Variants in RIMS2 observed in about 807,000 individuals in gnomAD.
RIMS2 encodes regulating synaptic membrane exocytosis protein 2.
RIMS2 carries 59 observed loss-of-function variants against 174.4 expected under a neutral mutation model. The observed-to-expected ratio is 0.34, with a 90% CI of 0.27 to 0.42. The LOEUF (loss-of-function observed/expected upper bound fraction) is 0.42. Among genes scored for constraint, RIMS2 ranks in the 10% least tolerant of loss-of-function variants. RIMS2 has a pLI of 1.00. For missense variants in RIMS2, 1,620 were observed against 1,666.3 expected, an observed-to-expected ratio of 0.97 and a Z score of 0.48; for synonymous variants, 606 against 572.5, an observed-to-expected ratio of 1.06 and a Z score of -0.84.
At chr8:103,738,028 T>C (rs187250647) in intron 2 of RIMS2, among the ~76,000 whole-genome samples, 3 of 152,308 alleles carry the variant, frequency 2.0e-5, no homozygotes, top group Admixed American at 6.5e-5. Flanking sequence ...AACATGTCTG[T>C]CTTCTTTAAT....
intron 19 of RIMS2, among the ~76,000 whole-genome samples, chr8:104,099,546 A>G (rs2097830843): frequency 6.6e-6 from 1 of 152,206 alleles, no homozygotes; most frequent in Non-Finnish European, 1.5e-5. Context: ...AAAACACCAC[A>G]GGTGATTATG....
chr8:103,755,776 A>T (rs1347636872), intron 2 of RIMS2, among the ~76,000 whole-genome samples: 1 of 152,218 alleles, frequency 6.6e-6, no homozygotes, highest in Non-Finnish European at 1.5e-5. Flanking sequence ...CAGCTCTATC[A>T]GTTCATTTAT....
chr8:103,552,594 C>T (rs562679636), intron 1 of RIMS2, among the ~76,000 whole-genome samples: 2 of 152,256 alleles, frequency 1.3e-5, no homozygotes, highest in Admixed American at 6.5e-5. Flanking sequence ...CCAAAATAGA[C>T]AAATGGGATC....
In RIMS2 at chr8:103,840,535, T is replaced by G. The variant is rs77985721; in HGVS notation, c.699-44763T>G. Among the ~76,000 whole-genome samples, 74 of 152,290 alleles carry G rather than the reference T, an allele frequency of 4.9e-4. 1 individual carries two copies. In the East Asian group the frequency reaches 0.014, roughly 28 times the overall value. ...AGAGAGATTGTTGGGGTTGTTTCCC[T>G]CTTTTGCCACTGTGAAAGTGCTGCT... On this transcript the variant is annotated intron_variant, in intron 3 of 23. Coordinates refer to ENST00000504942, the Ensembl canonical transcript of RIMS2.
At chr8:103,711,353 G>C (rs559528360) in intron 2 of RIMS2, among the ~76,000 whole-genome samples, 1 of 152,246 alleles carries the variant, frequency 6.6e-6, no homozygotes, top group African/African-American at 2.4e-5. Flanking sequence ...ATTTCATTCA[G>C]GCAACAGATT....
At chr8:104,251,840 G>T in exon 24 of RIMS2, 8 of 1,245,156 alleles carry the variant, frequency 6.4e-6, no homozygotes, top group African/African-American at 1.7e-5. Context: ...AAAAATTGTT[G>T]TCACAGCAAC....
At chr8:103,778,599 T>A (rs2098345359) in intron 3 of RIMS2, among the ~76,000 whole-genome samples, 1 of 152,176 alleles carries the variant, frequency 6.6e-6, no homozygotes, top group Non-Finnish European at 1.5e-5. Flanking sequence ...TCATTCTTTT[T>A]ATGGCCAAAT....
intron 1 of RIMS2, among the ~76,000 whole-genome samples, chr8:103,641,487 G>A (rs376362816): frequency 2.8e-4 from 43 of 152,162 alleles, no homozygotes; most frequent in African/African-American, 9.6e-4. Flanking sequence ...CTAACTGTAT[G>A]TATGTACCTA....
At chr8:104,182,665 C>T (rs545777000) in intron 19 of RIMS2, among the ~76,000 whole-genome samples, 3 of 151,782 alleles carry the variant, frequency 2.0e-5, no homozygotes, top group African/African-American at 7.2e-5. Flanking sequence ...TGGCTTCTTT[C>T]GCTTAGCATA....
intron 16 of RIMS2, among the ~76,000 whole-genome samples, chr8:103,983,527 A>G (rs996836769): frequency 2.0e-5 from 3 of 152,204 alleles, no homozygotes; most frequent in Non-Finnish European, 2.9e-5. Context: ...CTGAAAAAGC[A>G]TGGTACTGCC....
At chr8:104,225,195 T>C (rs1195289267) in intron 19 of RIMS2, among the ~76,000 whole-genome samples, 2 of 152,194 alleles carry the variant, frequency 1.3e-5, no homozygotes, top group African/African-American at 2.4e-5. Context: ...TATGAAGCAG[T>C]ACTTTTGTTA....
intron 19 of RIMS2, among the ~76,000 whole-genome samples, chr8:104,132,185 T>C (rs2098479159): frequency 6.6e-6 from 1 of 152,176 alleles, no homozygotes; most frequent in Non-Finnish European, 1.5e-5. Context: ...TATTTGTTAT[T>C]TTCGTGGATG....
chr8:104,251,752 C>T (rs569582580), exon 24 of RIMS2: 6 of 1,612,724 alleles, frequency 3.7e-6, no homozygotes, highest in South Asian at 3.3e-5. Flanking sequence ...AACCTTGGCC[C>T]CTCTGACAAG....
At chr8:104,252,772 C>G (rs2099362155), downstream of RIMS2, 1 of 152,036 alleles carries the variant, frequency 6.6e-6, no homozygotes, top group South Asian at 2.1e-4. Flanking sequence ...AATTTATTTC[C>G]ATGTTAAATA....
intron 1 of RIMS2, among the ~76,000 whole-genome samples, chr8:103,571,010 A>G (rs951527110): frequency 1.3e-5 from 2 of 152,158 alleles, no homozygotes; most frequent in Non-Finnish European, 2.9e-5. Context: ...TGTCCTAATG[A>G]TCAATTGGTC....
chr8:104,024,708 T>C (rs2096208725), intron 19 of RIMS2, among the ~76,000 whole-genome samples: 1 of 152,184 alleles, frequency 6.6e-6, no homozygotes, highest in African/African-American at 2.4e-5. Flanking sequence ...AATAATATAA[T>C]GATAAGAAAT....
rs553363709 is a variant in RIMS2 at position 103,851,538 on chromosome 8, T to C, written c.699-33760T>C. Among the ~76,000 whole-genome samples, 5 of 151,954 alleles carry C rather than the reference T, an allele frequency of 3.3e-5. No individual in the cohort carries two copies. The East Asian group carries it at 9.7e-4, about 29-fold the overall frequency. ...AGAGTAGAGTATATTTTCTTCCTTGTCTTTATGTACTGAAAATAGTTTGAT... is the reference window on the plus strand; with the variant it reads ...AGAGTAGAGTATATTTTCTTCCTTGCCTTTATGTACTGAAAATAGTTTGAT... On this transcript the variant is annotated intron_variant, in intron 3 of 23. Transcript: ENST00000504942.
intron 2 of RIMS2, among the ~76,000 whole-genome samples, chr8:103,725,258 A>G (rs188257108): frequency 6.6e-6 from 1 of 152,118 alleles, no homozygotes; most frequent in Non-Finnish European, 1.5e-5. Flanking sequence ...ACATAATAAG[A>G]TGCACAGAAT....
chr8:104,047,169 AAGTC>A (rs1305725354), intron 19 of RIMS2, among the ~76,000 whole-genome samples: 2 of 152,036 alleles, frequency 1.3e-5, no homozygotes, highest in African/African-American at 4.8e-5. Flanking sequence ...GTGATTAAGT[AAGTC>A]ATTTAAAATG....
Sources: allele counts gnomAD v4.1 joint callset (sites outside exome capture counted in the v4.1 genomes callset), GRCh38; gene constraint gnomAD v4.1.1; transcripts MANE v1.5; gene names NCBI Gene and HGNC (gene_info 2026-07-23, HGNC 2026-07-21).